The following WWOX variants were observed in gnomAD, a reference collection of about 807,000 sequenced individuals.
The protein encoded by WWOX is WW domain-containing oxidoreductase.
In WWOX, 69 loss-of-function variants were observed where a neutral mutation model predicts 46.2. The ratio of observed to expected loss-of-function variants is 1.49; its 90% CI spans 1.23 to 1.82. The LOEUF (loss-of-function observed/expected upper bound fraction) is 1.82, where lower values mean the gene tolerates loss of function less well. Among genes scored for constraint, WWOX ranks in the 40% most tolerant of loss-of-function variants. The probability of loss-of-function intolerance (pLI) is 0.00; values close to 1 mark genes in which losing one functional copy is unlikely to be tolerated. For synonymous variants in WWOX, 359 were observed against 202.6 expected, an observed-to-expected ratio of 1.77 and a Z score of -6.56; for missense variants, 919 against 542.6, an observed-to-expected ratio of 1.69 and a Z score of -6.89.
intron 8 of WWOX, among the ~76,000 whole-genome samples, chr16:78,748,028 C>G (rs2049389984): frequency 6.6e-6 from 1 of 152,212 alleles, no homozygotes; most frequent in Non-Finnish European, 1.5e-5. Flanking sequence ...GAGTATTGAA[C>G]TTGGCCAGAG....
At chr16:78,719,458 G>A (rs556117492) in intron 8 of WWOX, among the ~76,000 whole-genome samples, 16 of 152,338 alleles carry the variant, frequency 1.1e-4, no homozygotes, top group Admixed American at 5.2e-4. Context: ...CATGTGCACT[G>A]AAAAAGTCGA....
At chr16:78,206,682 T>A (rs1262057177) in intron 5 of WWOX, among the ~76,000 whole-genome samples, 1 of 152,180 alleles carries the variant, frequency 6.6e-6, no homozygotes, top group Non-Finnish European at 1.5e-5. Context: ...TGAAAATCAT[T>A]ACTGATTACC....
intron 8 of WWOX, among the ~76,000 whole-genome samples, chr16:79,046,405 A>T (rs1567512237): frequency 6.6e-6 from 1 of 152,194 alleles, no homozygotes; most frequent in Non-Finnish European, 1.5e-5. Flanking sequence ...TGACAAAAGT[A>T]TCACAGACTG....
chr16:79,137,737 C>T (rs920687389), intron 8 of WWOX, among the ~76,000 whole-genome samples: 1 of 152,142 alleles, frequency 6.6e-6, no homozygotes, highest in African/African-American at 2.4e-5. Flanking sequence ...CCCACTCCTC[C>T]TGCTCTCCAG....
At chr16:78,626,963 C>T (rs2046324886) in intron 8 of WWOX, among the ~76,000 whole-genome samples, 1 of 152,130 alleles carries the variant, frequency 6.6e-6, no homozygotes, top group Admixed American at 6.5e-5. Context: ...GATGTACACA[C>T]ATCATGGTGT....
intron 8 of WWOX, among the ~76,000 whole-genome samples, chr16:78,952,710 T>A (rs1248154343): frequency 6.6e-6 from 1 of 152,164 alleles, no homozygotes; most frequent in Admixed American, 6.6e-5. Context: ...TATTAATTCC[T>A]ATTTTTCCCA....
At chr16:78,290,234 G>A (rs772792133) in intron 5 of WWOX, among the ~76,000 whole-genome samples, 109 of 148,772 alleles carry the variant, frequency 7.3e-4, no homozygotes, top group Non-Finnish European at 1.4e-3. Context: ...AGAGCACTCT[G>A]CGAGCACTCT....
intron 8 of WWOX, among the ~76,000 whole-genome samples, chr16:78,630,881 C>A (rs1434317076): frequency 6.8e-6 from 1 of 147,392 alleles, no homozygotes. Flanking sequence ...AGTCAGCCCC[C>A]CTCTCTCTGG....
intron 8 of WWOX, among the ~76,000 whole-genome samples, chr16:79,098,311 A>T (rs1033555544): frequency 4.6e-5 from 7 of 152,320 alleles, no homozygotes; most frequent in Admixed American, 3.3e-4. Flanking sequence ...TCAGTGTCTG[A>T]GACAGACAGT....
rs116407678 is a variant in WWOX at position 78,543,186 on chromosome 16, G to A, written c.1056+110434G>A. ...TGTGATCTCACAGCTGCTACATCTG[G>A]CACAGATGGCCTTCTTGATCTCCAG... On this transcript the variant is annotated intron_variant, in intron 8 of 8. Transcript: ENST00000566780. 8.4e-3 allele frequency among the ~76,000 whole-genome samples: 1,276 copies of A among 152,298 alleles called. 19 individuals carry two copies. The highest frequency in any genetic ancestry group is 0.029 in the African/African-American group (1,191 of 41,552).
intron 8 of WWOX, among the ~76,000 whole-genome samples, chr16:78,624,817 G>C (rs149633658): frequency 6.6e-6 from 1 of 152,282 alleles, no homozygotes; most frequent in African/African-American, 2.4e-5. Context: ...TACGATTTCT[G>C]GCTTGAATTT....
At chr16:78,431,073 T>A (rs543137951) in intron 7 of WWOX, among the ~76,000 whole-genome samples, 1 of 152,222 alleles carries the variant, frequency 6.6e-6, no homozygotes, top group African/African-American at 2.4e-5. Flanking sequence ...TGAGACTGTT[T>A]AGAAAATTCC....
chr16:78,887,848 A>T (rs1448363515), intron 8 of WWOX, among the ~76,000 whole-genome samples: 3 of 152,212 alleles, frequency 2.0e-5, no homozygotes, highest in Non-Finnish European at 4.4e-5. Context: ...AGTGTTTAAC[A>T]GTAATTGGTT....
chr16:78,864,659 A>G (rs1435587964), intron 8 of WWOX, among the ~76,000 whole-genome samples: 2 of 150,106 alleles, frequency 1.3e-5, no homozygotes, highest in East Asian at 4.0e-4. Flanking sequence ...CCCAGCTCTG[A>G]GATTCCCTGT....
At chr16:78,703,772 G>C (rs756695797) in intron 8 of WWOX, among the ~76,000 whole-genome samples, 19 of 151,982 alleles carry the variant, frequency 1.3e-4, no homozygotes, top group Admixed American at 6.6e-5. Flanking sequence ...CACTGATTTT[G>C]ACTTCACAGG....
chr16:78,315,520 T>C (rs1398647913), intron 5 of WWOX, among the ~76,000 whole-genome samples: 1 of 151,926 alleles, frequency 6.6e-6, no homozygotes, highest in East Asian at 1.9e-4. Flanking sequence ...CATGGTGGGG[T>C]GCAGCTGTAA....
chr16:78,760,403 T>C (rs1233309426), intron 8 of WWOX, among the ~76,000 whole-genome samples: 1 of 152,188 alleles, frequency 6.6e-6, no homozygotes, highest in East Asian at 1.9e-4. Context: ...GTTCCCCATA[T>C]CAAGGTCCTT....
chr16:78,270,848 A>C lies in WWOX; in HGVS notation c.516+106559A>C, dbSNP rs77593509. Among the ~76,000 whole-genome samples, 586 of 152,268 alleles carry C rather than the reference A, an allele frequency of 3.8e-3. 1 individual carries two copies. Among genetic ancestry groups the C allele is most frequent in the African/African-American group, 0.013 (535 of 41,556 alleles). On this transcript the variant is annotated intron_variant, in intron 5 of 8. Transcript: ENST00000566780. The stretch of plus-strand genomic sequence containing the variant: ...ACAAAAATGAACAAAAAATCCAAAG[A>C]AGGCTGTGTGCCAGAGACGATACGT...
chr16:78,496,738 G>A (rs2084928070), intron 8 of WWOX, among the ~76,000 whole-genome samples: 1 of 152,180 alleles, frequency 6.6e-6, no homozygotes, highest in African/African-American at 2.4e-5. Flanking sequence ...CAAATTATTA[G>A]CTTTCTTACT....
Sources: allele counts gnomAD v4.1 joint callset (sites outside exome capture counted in the v4.1 genomes callset), GRCh38; gene constraint gnomAD v4.1.1; transcripts MANE v1.5; gene names NCBI Gene and HGNC (gene_info 2026-07-23, HGNC 2026-07-21).